Variants in ELOVL5 observed in about 807,000 individuals in gnomAD.
The protein encoded by ELOVL5 is ELOVL fatty acid elongase 5.
ELOVL5 carries 8 observed loss-of-function variants against 38.6 expected under a neutral mutation model. That is an observed-to-expected ratio of 0.21 (90% confidence interval 0.12 to 0.37). ELOVL5 has a LOEUF of 0.37. ELOVL5 is among the 10% of genes least tolerant of loss of function. The probability of loss-of-function intolerance (pLI) is 1.00; values close to 1 mark genes in which losing one functional copy is unlikely to be tolerated. For synonymous variants in ELOVL5, 127 were observed against 133.7 expected (o/e 0.95, Z 0.34); for missense variants, 280 against 367.8 (o/e 0.76, Z 1.95).
intron 1 of ELOVL5, among the ~76,000 whole-genome samples, chr6:53,331,654 T>C (rs977548431): frequency 6.6e-6 from 1 of 152,234 alleles, no homozygotes; most frequent in Non-Finnish European, 1.5e-5. Context: ...AAACTTGTCC[T>C]TTAGCAGTTA....
At chr6:53,278,871 T>C (rs1766245268) in intron 3 of ELOVL5, among the ~76,000 whole-genome samples, 1 of 152,218 alleles carries the variant, frequency 6.6e-6, no homozygotes, top group South Asian at 2.1e-4. Flanking sequence ...CAGTGAGTCA[T>C]CATTGCCTTC....
chr6:53,308,173 G>A (rs1767677657), intron 1 of ELOVL5, among the ~76,000 whole-genome samples: 1 of 152,068 alleles, frequency 6.6e-6, no homozygotes, highest in African/African-American at 2.4e-5. Context: ...TAAGATCTCT[G>A]TAATTAAGAC....
Position 53,273,252 on chromosome 6 carries a change from A to G in ELOVL5, c.589T>C (p.Trp197Arg). 3 of 1,613,938 alleles carry G rather than the reference A, an allele frequency of 1.9e-6. No individual in the cohort carries two copies. The highest frequency in any genetic ancestry group is 2.5e-6 in the Non-Finnish European group (3 of 1,179,816). The change falls in exon 6 of 8, where the codon TGG becomes CGG. Residue 197 changes from tryptophan (W) to arginine (R), a missense_variant. Physicochemically the swap from Trp to Arg is moderately radical, Grantham distance 101. This residue lies in a region of ELOVL5 where 125 missense variants were observed against 158.9 expected (regional missense o/e 0.79). Coordinates refer to ENST00000304434, the MANE Select transcript of ELOVL5 (RefSeq NM_021814.5). ...SSVPSMRPYL[W>R]WKKYITQGQL... is the part of the protein sequence containing the mutation. ...CCCTGAGTGATGTACTTCTTCCACC[A>G]GAGGTATGGACGCATGGAAGGGACT...
At chr6:53,284,301 CTTT>C (rs5876312) in intron 3 of ELOVL5, among the ~76,000 whole-genome samples, 128 of 147,972 alleles carry the variant, frequency 8.7e-4, no homozygotes, top group African/African-American at 2.1e-3. Flanking sequence ...GCAAGACCAT[CTTT>C]TTTTTTTTTT....
At chr6:53,316,075 G>C (rs1768028055) in intron 1 of ELOVL5, among the ~76,000 whole-genome samples, 1 of 152,174 alleles carries the variant, frequency 6.6e-6, no homozygotes. Context: ...GATTAAATGA[G>C]ATAATAAAAT....
chr6:53,335,325 T>C (rs1769007437), intron 1 of ELOVL5, among the ~76,000 whole-genome samples: 1 of 152,216 alleles, frequency 6.6e-6, no homozygotes, highest in African/African-American at 2.4e-5. Flanking sequence ...GCCCATGTGA[T>C]CAGAACCCTG....
rs1478601152 is a variant in ELOVL5 at position 53,268,240 on chromosome 6, ATC to A, written c.*885_*886del. 7.9e-5 allele frequency: 12 copies of A among 152,200 alleles called. No homozygotes were observed. The highest frequency in any genetic ancestry group is 2.9e-4 in the African/African-American group (12 of 41,444). 9.4% of individuals were successfully genotyped at this position (152,200 alleles called of 1,614,324 possible). ...TCTGTCAAACGGTAAATAGGCAATCATCTCTCTTGAAAAGTATACATCCTCTC... is the reference window on the plus strand; with the variant it reads ...TCTGTCAAACGGTAAATAGGCAATCATCTCTTGAAAAGTATACATCCTCTC... On this transcript the variant is annotated 3_prime_UTR_variant, in exon 8 of 8. Transcript: ENST00000304434.
At chr6:53,272,240 C>T (rs556326079) in intron 6 of ELOVL5, among the ~76,000 whole-genome samples, 2 of 152,068 alleles carry the variant, frequency 1.3e-5, no homozygotes, top group Non-Finnish European at 2.9e-5. Flanking sequence ...ATGTCCACAC[C>T]CCTCAGTCAG....
chr6:53,293,041 G>T (rs1466048428), intron 2 of ELOVL5, among the ~76,000 whole-genome samples: 1 of 152,072 alleles, frequency 6.6e-6, no homozygotes, highest in African/African-American at 2.4e-5. Flanking sequence ...TGGATGGCGG[G>T]AAACTCCTTG....
chr6:53,275,859 C>T (rs1438267403), intron 4 of ELOVL5, among the ~76,000 whole-genome samples: 3 of 152,146 alleles, frequency 2.0e-5, no homozygotes, highest in African/African-American at 7.2e-5. Flanking sequence ...GAAAAAAGTA[C>T]TTGGATGAAT....
At chr6:53,287,982 A>G in intron 3 of ELOVL5, 1 of 1,500,668 alleles carries the variant, frequency 6.7e-7, no homozygotes, top group Non-Finnish European at 9.0e-7. Flanking sequence ...CTTAGGGTCT[A>G]AGAGGTCTGA....
chr6:53,303,087 A>T (rs1176185557), intron 1 of ELOVL5, among the ~76,000 whole-genome samples: 2 of 152,206 alleles, frequency 1.3e-5, no homozygotes, highest in Non-Finnish European at 2.9e-5. Context: ...AGTTACACAG[A>T]ATGAAAAATT....
At chr6:53,287,100 G>T (rs934229942) in intron 3 of ELOVL5, among the ~76,000 whole-genome samples, 1 of 152,078 alleles carries the variant, frequency 6.6e-6, no homozygotes, top group African/African-American at 2.4e-5. Flanking sequence ...GATAAGTTTG[G>T]ATTTATGCCA....
At chr6:53,297,148 T>TGAAGGCACCAGCTCCCC (rs1267715354) in intron 1 of ELOVL5, among the ~76,000 whole-genome samples, 11 of 151,988 alleles carry the variant, frequency 7.2e-5, no homozygotes, top group Middle Eastern at 3.4e-3. Context: ...ACCAGCTCCC[T>TGAAGGCACCAGCTCCCC]GAAGGCACCA....
At chr6:53,333,503 CCT>C (rs943241326) in intron 1 of ELOVL5, among the ~76,000 whole-genome samples, 1 of 152,102 alleles carries the variant, frequency 6.6e-6, no homozygotes, top group Non-Finnish European at 1.5e-5. Flanking sequence ...CTGTCTCCTC[CCT>C]CTCTGTTTTA....
chr6:53,347,727 C>G (rs1289829223), intron 1 of ELOVL5, among the ~76,000 whole-genome samples: 2 of 152,104 alleles, frequency 1.3e-5, no homozygotes, highest in Non-Finnish European at 2.9e-5. Context: ...ACCCCCCGCC[C>G]CCGACCCCGC....
chr6:53,286,507 G>A (rs1014734826), intron 3 of ELOVL5, among the ~76,000 whole-genome samples: 81 of 152,262 alleles, frequency 5.3e-4, no homozygotes, highest in African/African-American at 1.9e-3. Flanking sequence ...AGGCTGCAGT[G>A]GGTGAGGTAT....
At chr6:53,294,606 ATTATT>A in intron 2 of ELOVL5, 1 of 1,376,394 alleles carries the variant, frequency 7.3e-7, no homozygotes, top group Non-Finnish European at 9.5e-7. Flanking sequence ...AATTATTATT[ATTATT>A]TTAGCCATTT....
At chr6:53,305,144 G>A (rs1437413824) in intron 1 of ELOVL5, among the ~76,000 whole-genome samples, 2 of 149,208 alleles carry the variant, frequency 1.3e-5, no homozygotes, top group African/African-American at 4.9e-5. Flanking sequence ...GCGGCTCGCC[G>A]GGCAGGGGGC....
Sources: allele counts gnomAD v4.1 joint callset (sites outside exome capture counted in the v4.1 genomes callset), GRCh38; gene constraint gnomAD v4.1.1; regional missense constraint gnomAD v4.1.1; transcripts MANE v1.5; gene names NCBI Gene and HGNC (gene_info 2026-07-23, HGNC 2026-07-21).